POFUT1: variants seen among roughly 807,000 people sequenced by gnomAD.
POFUT1 encodes the protein GDP-fucose protein O-fucosyltransferase 1.
Under a neutral mutation model 42.4 loss-of-function variants are expected in POFUT1, and 16 were observed. That is an observed-to-expected ratio of 0.38 (90% CI 0.26 to 0.57). POFUT1 has a LOEUF of 0.57. Ranked by LOEUF, POFUT1 falls within the 20% of genes least tolerant of loss-of-function variation. The pLI is 0.71. For synonymous variants in POFUT1, 206 were observed against 205.4 expected (o/e 1.00, Z -0.03); for missense variants, 470 against 504.6 (o/e 0.93, Z 0.66).
At chr20:32,213,953 T>G (rs567565003) in intron 2 of POFUT1, among the ~76,000 whole-genome samples, 1 of 152,056 alleles carries the variant, frequency 6.6e-6, no homozygotes, top group Non-Finnish European at 1.5e-5. Context: ...GGGCTAACCC[T>G]GTTCCCTTAA....
intron 5 of POFUT1, among the ~76,000 whole-genome samples, chr20:32,229,363 C>G (rs1023363886): frequency 6.6e-6 from 1 of 152,142 alleles, no homozygotes; most frequent in Non-Finnish European, 1.5e-5. Flanking sequence ...CAACACAAAA[C>G]ACGTAAAAAT....
At chr20:32,208,573 T>C (rs2047307355) in intron 1 of POFUT1, among the ~76,000 whole-genome samples, 1 of 149,528 alleles carries the variant, frequency 6.7e-6, no homozygotes, top group African/African-American at 2.5e-5. Context: ...TCCCACCACT[T>C]TGAGAGACCG....
intron 4 of POFUT1, among the ~76,000 whole-genome samples, chr20:32,219,430 A>C (rs1475434824): frequency 6.6e-6 from 1 of 152,080 alleles, no homozygotes; most frequent in Non-Finnish European, 1.5e-5. Context: ...GTATGGAGTG[A>C]GTGAGAGAAT....
At chr20:32,209,756 G>A (rs1167477759) in intron 1 of POFUT1, among the ~76,000 whole-genome samples, 1 of 152,230 alleles carries the variant, frequency 6.6e-6, no homozygotes, top group Non-Finnish European at 1.5e-5. Context: ...TCCATGTGCA[G>A]GTGAATGGAG....
Position 32,210,181 on chromosome 20 carries a change from C to G in POFUT1, c.235C>G (p.Pro79Ala). Residue 79 changes from proline to alanine, a missense_variant, in exon 2 of 7, where the codon CCT becomes GCT. Transcript: ENST00000375749. ...GATTGAGTACCAGCATCACAAGCCT[C>G]CTTTCACCAACGTGAGTACTTCCCA... ...PWIEYQHHKP[P>A]FTNLHVSYQK... The G allele has an allele frequency of 6.2e-7, 1 of 1,614,190 alleles. No individual in the cohort carries two copies.
chr20:32,214,095 A>G (rs2122568721), intron 2 of POFUT1, among the ~76,000 whole-genome samples: 1 of 152,078 alleles, frequency 6.6e-6, no homozygotes, highest in South Asian at 2.1e-4. Flanking sequence ...TCTCTAGAGC[A>G]AATAGTTAGA....
intron 1 of POFUT1, 99 bp from the exon 2 acceptor site, chr20:32,209,972 C>T: frequency 7.3e-7 from 1 of 1,371,560 alleles, no homozygotes; most frequent in Non-Finnish European, 1.0e-6. Flanking sequence ...CTTGGTATCC[C>T]TGACTTTCTA....
chr20:32,232,884 C>T (rs8125401), intron 6 of POFUT1, among the ~76,000 whole-genome samples: 1 of 152,172 alleles, frequency 6.6e-6, no homozygotes, highest in Non-Finnish European at 1.5e-5. Context: ...ACTAAGCCTT[C>T]CTCCTCCATT....
intron 4 of POFUT1, chr20:32,217,099 G>A (rs1302216116): frequency 6.2e-7 from 1 of 1,605,486 alleles, no homozygotes. Flanking sequence ...ACCGAGAAAT[G>A]ACGTCATCCT....
chr20:32,214,282 G>C (rs1451600068), intron 2 of POFUT1, among the ~76,000 whole-genome samples: 1 of 151,766 alleles, frequency 6.6e-6, no homozygotes, highest in Non-Finnish European at 1.5e-5. Context: ...GCACCACCAC[G>C]CCCAGCTAAT....
In POFUT1 at chr20:32,219,879, G is replaced by A. The variant is rs139632454; in HGVS notation, c.542+3158G>A. Reference sequence around the variant, plus strand: ...AATTCTTTTGGGTTTTCATTTTTCCGTTTTCTTATGGAATCCCTGCTGTAC... The same window carrying A: ...AATTCTTTTGGGTTTTCATTTTTCCATTTTCTTATGGAATCCCTGCTGTAC... On this transcript the variant is annotated intron_variant, in intron 4 of 6. Transcript: ENST00000375749. Among the ~76,000 whole-genome samples the A allele has an allele frequency of 8.5e-5, 13 of 152,196 alleles. No homozygotes were observed. The South Asian group carries it at 1.9e-3, about 22-fold the overall frequency.
chr20:32,228,481 G>A, intron 5 of POFUT1, 26 bp downstream of exon 5: 4 of 1,602,836 alleles, frequency 2.5e-6, no homozygotes, highest in Non-Finnish European at 3.4e-6. Context: ...CTCTCTCACT[G>A]GCTAACTTGG....
rs1247703136 is a variant in POFUT1, at chr20:32,234,559, C to T, written c.1065C>T (p.Val355=). The part of the protein sequence containing the change: ...GQADHFIGNC[V]SSFTAFVKRE... ...CCGACCACTTTATTGGCAACTGTGT[C>T]TCCTCCTTCACTGCCTTTGTGAAGC... The change falls in exon 7 of 7, where the codon GTC becomes GTT. Residue 355 remains valine (V), a synonymous_variant. Coordinates refer to ENST00000375749, the MANE Select transcript of POFUT1 (RefSeq NM_015352.2). The T allele has an allele frequency of 6.2e-7, 1 of 1,614,118 alleles. No homozygotes were observed. Among genetic ancestry groups the T allele is most frequent in the African/African-American group, 1.3e-5 (1 of 74,948 alleles).
rs146919165 is a variant in POFUT1 at position 32,225,775 on chromosome 20, C to T, written c.543-2488C>T. Among the ~76,000 whole-genome samples, 553 of 152,108 alleles carry T rather than the reference C, an allele frequency of 3.6e-3. 3 individuals carry two copies. Among genetic ancestry groups the T allele is most frequent in the African/African-American group, 0.013 (521 of 41,494 alleles). On this transcript the variant is annotated intron_variant, in intron 4 of 6. Coordinates refer to ENST00000375749, the MANE Select transcript of POFUT1 (RefSeq NM_015352.2). ...AAAGTGCTGGGATTACAGAAGTGGC[C>T]ACCACACCCAACCACAATTGAAAAA...
intron 4 of POFUT1, among the ~76,000 whole-genome samples, chr20:32,226,651 T>C (rs1339845045): frequency 3.3e-5 from 5 of 152,182 alleles, no homozygotes; most frequent in Non-Finnish European, 7.4e-5. Context: ...CTCTTCTCCA[T>C]GCTATTGTTT....
intron 2 of POFUT1, among the ~76,000 whole-genome samples, chr20:32,210,779 C>T (rs779553638): frequency 6.6e-6 from 1 of 152,204 alleles, no homozygotes; most frequent in Admixed American, 6.5e-5. Context: ...TTCCAGTGAC[C>T]TTGTGTCGTT....
chr20:32,211,005 A>G (rs2047324864), intron 2 of POFUT1, among the ~76,000 whole-genome samples: 1 of 152,230 alleles, frequency 6.6e-6, no homozygotes, highest in Non-Finnish European at 1.5e-5. Context: ...CCAGAGTACC[A>G]GAGATCATAG....
rs1211705635 is a variant in POFUT1 at position 32,236,675 on chromosome 20, T to C, written c.*2014T>C. ...TCAAAGGCCCAGATCAGCTAAAGCA[T>C]GTATATAAGAGCACGTTGTAAACTT... On this transcript the variant is annotated 3_prime_UTR_variant, in exon 7 of 7. Coordinates refer to ENST00000375749, the MANE Select transcript of POFUT1 (RefSeq NM_015352.2). 1 of 152,176 alleles carries C rather than the reference T, an allele frequency of 6.6e-6. No homozygotes were observed. Among genetic ancestry groups the C allele is most frequent in the African/African-American group, 2.4e-5 (1 of 41,452 alleles). 9.4% of individuals were successfully genotyped at this position (152,176 alleles called of 1,614,324 possible).
chr20:32,227,515 A>G (rs1193796615), intron 4 of POFUT1, among the ~76,000 whole-genome samples: 8 of 152,210 alleles, frequency 5.3e-5, no homozygotes, highest in Non-Finnish European at 1.2e-4. Flanking sequence ...CCTGGGTGAC[A>G]GCAAGATCCT....
Sources: allele counts gnomAD v4.1 joint callset (sites outside exome capture counted in the v4.1 genomes callset), GRCh38; gene constraint gnomAD v4.1.1; transcripts MANE v1.5; gene names NCBI Gene and HGNC (gene_info 2026-07-23, HGNC 2026-07-21).